Variants in CPS1 observed in about 807,000 individuals in gnomAD.
CPS1 encodes carbamoyl-phosphate synthase [ammonia], mitochondrial.
A neutral mutation model predicts 174.6 loss-of-function variants in CPS1; 109 were observed. The ratio of observed to expected loss-of-function variants is 0.62; its 90% CI spans 0.53 to 0.73. The LOEUF is 0.73. CPS1 is among the 30% of genes least tolerant of loss of function. The probability of loss-of-function intolerance (pLI) is 0.00; values close to 1 mark genes in which losing one functional copy is unlikely to be tolerated. For missense variants in CPS1, 1,689 were observed against 1,821.9 expected (o/e 0.93, Z 1.33); for synonymous variants, 637 against 632.0 (o/e 1.01, Z -0.12).
At chr2:210,520,825 A>G (rs961458296) in intron 1 of CPS1, among the ~76,000 whole-genome samples, 1 of 151,994 alleles carries the variant, frequency 6.6e-6, no homozygotes, top group East Asian at 1.9e-4. Context: ...TGAATGTACT[A>G]CAATGTTTTT....
At chr2:210,616,376 T>C in intron 20 of CPS1, 47 bp from the exon 21 acceptor site, 1 of 1,316,780 alleles carries the variant, frequency 7.6e-7, no homozygotes. Context: ...AAATAAGACA[T>C]TTAGAAAAAT....
chr2:210,580,466 A>G (rs1195401117), intron 5 of CPS1, among the ~76,000 whole-genome samples: 2 of 152,106 alleles, frequency 1.3e-5, no homozygotes, highest in East Asian at 3.9e-4. Context: ...ATCTGAAAGA[A>G]ACATTACGTC....
intron 15 of CPS1, 116 bp from the exon 16 acceptor site, chr2:210,602,084 TTC>T (rs1459461922): frequency 8.2e-7 from 1 of 1,223,396 alleles, no homozygotes; most frequent in Non-Finnish European, 1.2e-6. Context: ...AATAGAACAT[TTC>T]TAGATTCACT....
intron 32 of CPS1, among the ~76,000 whole-genome samples, chr2:210,661,267 T>C (rs1195683631): frequency 6.6e-6 from 1 of 152,182 alleles, no homozygotes; most frequent in East Asian, 1.9e-4. Context: ...ATAAAGCCAT[T>C]GTGATCTCCT....
chr2:210,644,842 A>T (rs1700327671), intron 25 of CPS1, among the ~76,000 whole-genome samples: 1 of 152,080 alleles, frequency 6.6e-6, no homozygotes, highest in African/African-American at 2.4e-5. Context: ...TCAGGTTTTA[A>T]AAAACAGAAA....
intron 1 of CPS1, among the ~76,000 whole-genome samples, chr2:210,529,620 T>C (rs964200996): frequency 2.0e-5 from 3 of 151,998 alleles, no homozygotes; most frequent in African/African-American, 4.8e-5. Flanking sequence ...TCTGGAAAGA[T>C]AGCATCCCAG....
intron 1 of CPS1, among the ~76,000 whole-genome samples, chr2:210,569,573 C>A (rs926070568): frequency 6.6e-6 from 1 of 152,008 alleles, no homozygotes; most frequent in African/African-American, 2.4e-5. Flanking sequence ...AATCCATTCC[C>A]TTATCTAGCC....
chr2:210,531,168 G>A (rs975603247), intron 1 of CPS1, among the ~76,000 whole-genome samples: 5 of 151,936 alleles, frequency 3.3e-5, no homozygotes, highest in South Asian at 4.1e-4. Context: ...ACAACTTGTC[G>A]GCAGGTTGAG....
chr2:210,596,440 A>G (rs1348744817), intron 13 of CPS1, among the ~76,000 whole-genome samples: 1 of 151,904 alleles, frequency 6.6e-6, no homozygotes, highest in Non-Finnish European at 1.5e-5. Context: ...TGGGAAAAAT[A>G]GTTGGCCAAA....
chr2:210,666,075 A>G (rs1258981903), intron 33 of CPS1, among the ~76,000 whole-genome samples: 1 of 151,886 alleles, frequency 6.6e-6, no homozygotes, highest in Non-Finnish European at 1.5e-5. Flanking sequence ...TCTGATGGCC[A>G]GTGATGATGA....
chr2:210,641,312 G>A (rs1700217553), intron 24 of CPS1, among the ~76,000 whole-genome samples: 1 of 151,996 alleles, frequency 6.6e-6, no homozygotes. Flanking sequence ...TTTTTGTAGA[G>A]ATGGAATTTT....
chr2:210,502,502 A>T, intron 1 of CPS1, among the ~76,000 whole-genome samples: 1 of 148,090 alleles, frequency 6.8e-6, no homozygotes, highest in African/African-American at 2.4e-5. Flanking sequence ...AAATATAGAG[A>T]TATATTTTTT....
chr2:210,573,305 C>T lies in CPS1; in HGVS notation c.134C>T (p.Thr45Ile). Residue 45 changes from threonine (T) to isoleucine (I), a missense_variant, in exon 2 of 38, where the codon ACA becomes ATA. Thr to Ile is a moderately conservative substitution (Grantham distance 89). Transcript: ENST00000233072. The stretch of plus-strand genomic sequence containing the variant: ...ATGCAACTGTTTCTTCAGGCACAGA[C>T]AGCACACATTGTCCTGGAAGATGGA... ...GIRLLSVKAQ[T>I]AHIVLEDGTK... 1 of 1,612,728 alleles carries T rather than the reference C, an allele frequency of 6.2e-7. No individual in the cohort carries two copies. The highest frequency in any genetic ancestry group is 8.5e-7 in the Non-Finnish European group (1 of 1,178,832).
chr2:210,634,658 G>A (rs1418909815), intron 21 of CPS1, among the ~76,000 whole-genome samples: 1 of 152,142 alleles, frequency 6.6e-6, no homozygotes, highest in Non-Finnish European at 1.5e-5. Flanking sequence ...CTCTCATGAT[G>A]TAGACATATC....
intron 1 of CPS1, among the ~76,000 whole-genome samples, chr2:210,508,112 G>C (rs1358192780): frequency 6.7e-6 from 1 of 150,326 alleles, no homozygotes; most frequent in African/African-American, 2.4e-5. Flanking sequence ...TTCCAAAATT[G>C]ACCACATAGT....
At chr2:210,484,734 A>C (rs1306879673) in intron 1 of CPS1, among the ~76,000 whole-genome samples, 1 of 152,130 alleles carries the variant, frequency 6.6e-6, no homozygotes, top group Non-Finnish European at 1.5e-5. Context: ...GTATTCTCAT[A>C]TATGATTGCA....
chr2:210,535,079 A>G (rs901329635), intron 1 of CPS1, among the ~76,000 whole-genome samples: 4 of 152,220 alleles, frequency 2.6e-5, no homozygotes, highest in African/African-American at 9.6e-5. Flanking sequence ...AGGCCCACTG[A>G]GCACTTCCCT....
chr2:210,497,318 A>T (rs1362771150), intron 1 of CPS1, among the ~76,000 whole-genome samples: 1 of 152,218 alleles, frequency 6.6e-6, no homozygotes, highest in African/African-American at 2.4e-5. Flanking sequence ...GATATGTAAA[A>T]TGTAATAAAA....
chr2:210,620,770 T>C (rs1475465117), intron 21 of CPS1, among the ~76,000 whole-genome samples: 2 of 152,044 alleles, frequency 1.3e-5, no homozygotes, highest in African/African-American at 2.4e-5. Context: ...ACATCATTCA[T>C]GAGAAATCTG....
Sources: allele counts gnomAD v4.1 joint callset (sites outside exome capture counted in the v4.1 genomes callset), GRCh38; gene constraint gnomAD v4.1.1; transcripts MANE v1.5; gene names NCBI Gene and HGNC (gene_info 2026-07-23, HGNC 2026-07-21).